Variants in TMEM225B observed in about 807,000 individuals in gnomAD.
TMEM225B encodes the protein transmembrane protein 225B.
In TMEM225B, 10 loss-of-function variants were observed where a neutral mutation model predicts 16.9. That is an observed-to-expected ratio of 0.59 (90% confidence interval 0.36 to 1.00). TMEM225B has a LOEUF of 1.00. TMEM225B is among the 50% of genes least tolerant of loss of function. The probability of loss-of-function intolerance (pLI) is 0.01; values close to 1 mark genes in which losing one functional copy is unlikely to be tolerated. For synonymous variants in TMEM225B, 92 were observed against 109.8 expected, an observed-to-expected ratio of 0.84 and a Z score of 1.01; for missense variants, 217 against 267.0, an observed-to-expected ratio of 0.81 and a Z score of 1.30.
Position 99,601,596 on chromosome 7 carries a change from A to G in TMEM225B, c.-4+1311A>G, listed in dbSNP as rs149306051. Among the ~76,000 whole-genome samples the G allele has an allele frequency of 2.5e-4, 38 of 152,294 alleles. No homozygotes were observed. The East Asian group carries it at 5.4e-3, about 22-fold the overall frequency. ...AATAAGGAAAGAAGGGAATAATTCA[A>G]TTTTTCAAGTGGGAAGAAGAGAAAC... On this transcript the variant is annotated intron_variant, in intron 2 of 5. Coordinates refer to ENST00000431679, the MANE Select transcript of TMEM225B (RefSeq NM_001195541.3).
chr7:99,600,373 G>A (rs1388767286), intron 2 of TMEM225B, 88 bp downstream of exon 2: 2 of 690,408 alleles, frequency 2.9e-6, no homozygotes, highest in Non-Finnish European at 5.3e-6. Flanking sequence ...CAGGGGAGTG[G>A]GGTTTGGAAA....
At chr7:99,600,317 T>C (rs1805250332) in intron 2 of TMEM225B, 32 bp downstream of exon 2, 1 of 702,372 alleles carries the variant, frequency 1.4e-6, no homozygotes, top group South Asian at 1.5e-5. Flanking sequence ...GCTGAGGGAG[T>C]GGCTGGGAGG....
rs1033580448 is a variant in TMEM225B at position 99,605,040 on chromosome 7, C to CA, written c.208+450dup. The stretch of plus-strand genomic sequence containing the variant: ...CAACAACAACAACAACAACAAAACA[C>CA]AAAAAATTAACCAGGCTTGGTTAAC... On this transcript the variant is annotated intron_variant, in intron 3 of 5. Coordinates refer to ENST00000431679, the MANE Select transcript of TMEM225B (RefSeq NM_001195541.3). 4.5e-4 allele frequency among the ~76,000 whole-genome samples: 68 copies of CA among 150,916 alleles called. No homozygotes were observed. The South Asian group carries it at 9.9e-3, about 22-fold the overall frequency.
chr7:99,608,417 C>A (rs1370598754), intron 5 of TMEM225B, among the ~76,000 whole-genome samples: 1 of 152,132 alleles, frequency 6.6e-6, no homozygotes, highest in Non-Finnish European at 1.5e-5. Context: ...GACAGCACTG[C>A]TCTGGAGCTT....
rs573406368 is a variant in TMEM225B at position 99,600,660 on chromosome 7, C to G, written c.-4+375C>G. On this transcript the variant is annotated intron_variant, in intron 2 of 5. Coordinates refer to ENST00000431679, the MANE Select transcript of TMEM225B (RefSeq NM_001195541.3). ...AGATCTTGTGAGACTTATTCACTAC[C>G]ACGAGAACCGTATGGGGGAAACTGC... Among the ~76,000 whole-genome samples the G allele has an allele frequency of 5.3e-5, 8 of 152,252 alleles. No homozygotes were observed. The South Asian group carries it at 1.7e-3, about 32-fold the overall frequency.
At chr7:99,608,290 A>G (rs1367877901) in intron 5 of TMEM225B, among the ~76,000 whole-genome samples, 1 of 152,098 alleles carries the variant, frequency 6.6e-6, no homozygotes, top group African/African-American at 2.4e-5. Flanking sequence ...TCAGTTCCTC[A>G]GCCATACTAG....
chr7:99,600,428 A>G, intron 2 of TMEM225B, 143 bp downstream of exon 2: 1 of 641,778 alleles, frequency 1.6e-6, no homozygotes, highest in Middle Eastern at 3.9e-4. Flanking sequence ...GAAGGAACCC[A>G]GGTGTATTAG....
chr7:99,610,633 TC>T lies in TMEM225B; in HGVS notation c.*72del. ...GTACACATGTAGCTGTTTGTAGTCC[TC>T]CCCACCCTCTCTGCCAGTATCTGTG... On this transcript the variant is annotated 3_prime_UTR_variant, in exon 6 of 6. Transcript: ENST00000431679. 7.2e-7 allele frequency: 1 copy of T among 1,393,648 alleles called. No homozygotes were observed. Among genetic ancestry groups the T allele is most frequent in the Non-Finnish European group, 9.7e-7 (1 of 1,026,792 alleles). 86.3% of individuals were successfully genotyped at this position (1,393,648 alleles called of 1,614,324 possible).
intron 1 of TMEM225B, 124 bp from the exon 2 acceptor site, chr7:99,600,081 G>C (rs1009578904): frequency 6.2e-6 from 4 of 644,170 alleles, no homozygotes; most frequent in Non-Finnish European, 1.1e-5. Flanking sequence ...GAGAGTGGAG[G>C]GGGCAGTGGG....
chr7:99,601,434 A>T (rs1257345684), intron 2 of TMEM225B, among the ~76,000 whole-genome samples: 3 of 152,194 alleles, frequency 2.0e-5, no homozygotes, highest in African/African-American at 7.2e-5. Flanking sequence ...CTCTACAAAA[A>T]ATTAAAAAAT....
chr7:99,603,462 C>T (rs139011835), intron 2 of TMEM225B, among the ~76,000 whole-genome samples: 9,779 of 152,166 alleles, frequency 0.064, 403 homozygotes, highest in African/African-American at 0.12. Context: ...GAGGCTGAGG[C>T]GGGTGGATCA....
At chr7:99,599,323 C>A (rs976475485) in intron 1 of TMEM225B, among the ~76,000 whole-genome samples, 1 of 152,034 alleles carries the variant, frequency 6.6e-6, no homozygotes, top group Non-Finnish European at 1.5e-5. Flanking sequence ...GGGCCTCATG[C>A]CTGTAATTTC....
chr7:99,603,334 G>T (rs1194554084), intron 2 of TMEM225B, among the ~76,000 whole-genome samples: 1 of 152,204 alleles, frequency 6.6e-6, no homozygotes, highest in South Asian at 2.1e-4. Flanking sequence ...CCAAAAGGAA[G>T]ACAGTTGACT....
At chr7:99,601,450 G>A (rs1218086323) in intron 2 of TMEM225B, among the ~76,000 whole-genome samples, 1 of 152,122 alleles carries the variant, frequency 6.6e-6, no homozygotes, top group East Asian at 1.9e-4. Flanking sequence ...AAAATTAGCT[G>A]GGCGTGGTGG....
chr7:99,604,928 C>T (rs746738091), intron 3 of TMEM225B, among the ~76,000 whole-genome samples: 2 of 151,900 alleles, frequency 1.3e-5, no homozygotes, highest in Non-Finnish European at 2.9e-5. Flanking sequence ...CCCAGAAGTT[C>T]GAGGCTGCAG....
chr7:99,604,366 A>G lies in TMEM225B; in HGVS notation c.-3-20A>G. The G allele has an allele frequency of 6.6e-7, 1 of 1,525,918 alleles. No homozygotes were observed. The highest frequency in any genetic ancestry group is 8.8e-7 in the Non-Finnish European group (1 of 1,137,870). The allele number at this position is 1,525,918 out of a possible 1,614,324, so 94.5% of individuals were successfully genotyped here. On this transcript the variant is annotated intron_variant, in intron 2 of 5. Coordinates refer to ENST00000431679, the MANE Select transcript of TMEM225B (RefSeq NM_001195541.3). ...TTTGGGTCGGTGTCCCACCTCCACG[A>G]TCACTTTTCTCTTACACAGGTGATG...
In TMEM225B at chr7:99,610,996, G is replaced by A. The variant is rs1003628221; in HGVS notation, c.*431G>A. Among the ~76,000 whole-genome samples the A allele has an allele frequency of 6.6e-6, 1 of 152,132 alleles. No individual in the cohort carries two copies. Among genetic ancestry groups the A allele is most frequent in the African/African-American group, 2.4e-5 (1 of 41,400 alleles). On this transcript the variant is annotated 3_prime_UTR_variant, in exon 6 of 6. Transcript: ENST00000431679. ...GCACAGGGGTAAAAGAATTTACCAAGACGGTTGTAGATAAAGAAAGGCAGA... is the reference window on the plus strand; with the variant it reads ...GCACAGGGGTAAAAGAATTTACCAAAACGGTTGTAGATAAAGAAAGGCAGA...
In TMEM225B at chr7:99,610,332, C is replaced by T. The variant is rs913667285; in HGVS notation, c.494-61C>T. The stretch of plus-strand genomic sequence containing the variant: ...CAGCTCTGGAGCTAGAGGGACCTGA[C>T]CTCTAGGGCGTGGAGCTCTGGACTT... On this transcript the variant is annotated intron_variant, in intron 5 of 5. Transcript: ENST00000431679. 13 of 1,364,516 alleles carry T rather than the reference C, an allele frequency of 9.5e-6. No individual in the cohort carries two copies. The African/African-American group carries it at 1.7e-4, about 18-fold the overall frequency. 84.5% of individuals were successfully genotyped at this position (1,364,516 alleles called of 1,614,324 possible).
At chr7:99,608,251 T>G (rs557919154) in intron 5 of TMEM225B, among the ~76,000 whole-genome samples, 3 of 152,254 alleles carry the variant, frequency 2.0e-5, no homozygotes, top group African/African-American at 7.2e-5. Context: ...CAAAACTCCA[T>G]CTCTAAAATA....
Sources: allele counts gnomAD v4.1 joint callset (sites outside exome capture counted in the v4.1 genomes callset), GRCh38; gene constraint gnomAD v4.1.1; transcripts MANE v1.5; gene names NCBI Gene and HGNC (gene_info 2026-07-23, HGNC 2026-07-21).